Variants in KCNMA1 observed in about 807,000 individuals in gnomAD.
The protein encoded by KCNMA1 is Calcium-activated potassium channel subunit alpha-1.
In KCNMA1, 29 loss-of-function variants were observed where a neutral mutation model predicts 140.0. The ratio of observed to expected loss-of-function variants is 0.21; its 90% CI spans 0.15 to 0.28. The LOEUF is 0.28. KCNMA1 is among the 10% of genes least tolerant of loss of function. The pLI is 1.00. For missense variants in KCNMA1, 880 were observed against 1,602.2 expected (o/e 0.55, Z 7.70); for synonymous variants, 612 against 611.9 (o/e 1.00, Z 0.00).
chr10:77,123,128 C>T (rs2097655962), intron 5 of KCNMA1, among the ~76,000 whole-genome samples: 1 of 125,876 alleles, frequency 7.9e-6, no homozygotes, highest in Non-Finnish European at 1.6e-5. Flanking sequence ...TGCAGTAAGC[C>T]GAGATCGCGC....
At chr10:77,043,950 C>G (rs1291696760) in intron 14 of KCNMA1, among the ~76,000 whole-genome samples, 1 of 152,178 alleles carries the variant, frequency 6.6e-6, no homozygotes, top group African/African-American at 2.4e-5. Flanking sequence ...GAATGTTCCA[C>G]TGAACTACAT....
intron 1 of KCNMA1, among the ~76,000 whole-genome samples, chr10:77,521,591 G>A (rs181315399): frequency 5.3e-5 from 8 of 152,288 alleles, no homozygotes; most frequent in Admixed American, 3.9e-4. Flanking sequence ...TGTAAGGATC[G>A]GACAAGTAAA....
intron 1 of KCNMA1, among the ~76,000 whole-genome samples, chr10:77,423,242 A>G (rs1010756788): frequency 3.3e-5 from 5 of 152,268 alleles, no homozygotes; most frequent in Non-Finnish European, 7.3e-5. Flanking sequence ...AAATAAGATA[A>G]GGAGACTTGG....
At chr10:76,949,468 CT>C in intron 21 of KCNMA1, 102 bp from the exon 22 acceptor site, 3 of 952,804 alleles carry the variant, frequency 3.1e-6, no homozygotes, top group Non-Finnish European at 5.0e-6. Context: ...CAAATATTTG[CT>C]GAGAGCTTAC....
intron 18 of KCNMA1, 52 bp downstream of exon 18, chr10:77,011,915 T>C (rs1424068936): frequency 2.0e-5 from 30 of 1,477,856 alleles, no homozygotes; most frequent in Non-Finnish European, 2.8e-5. Flanking sequence ...GAAAAGGAAT[T>C]TGGGGAATAG....
chr10:77,304,977 A>G (rs1043463435), intron 2 of KCNMA1, among the ~76,000 whole-genome samples: 1 of 152,228 alleles, frequency 6.6e-6, no homozygotes, highest in East Asian at 1.9e-4. Flanking sequence ...CACTATGCCC[A>G]CCAGAGACCT....
chr10:77,067,597 A>C (rs1008141884), intron 14 of KCNMA1, among the ~76,000 whole-genome samples: 1 of 152,176 alleles, frequency 6.6e-6, no homozygotes, highest in African/African-American at 2.4e-5. Flanking sequence ...AGTCATCCCC[A>C]GCCCTTCAGC....
At chr10:77,545,048 A>G (rs1234222097) in intron 1 of KCNMA1, among the ~76,000 whole-genome samples, 2 of 152,160 alleles carry the variant, frequency 1.3e-5, no homozygotes, top group Non-Finnish European at 2.9e-5. Context: ...CTGACCCACG[A>G]TGAAGTCACT....
At chr10:76,933,278 A>G (rs1023902783) in intron 23 of KCNMA1, among the ~76,000 whole-genome samples, 3 of 152,242 alleles carry the variant, frequency 2.0e-5, no homozygotes, top group African/African-American at 7.2e-5. Flanking sequence ...TCATGTATCC[A>G]TCCCCTCCAC....
chr10:76,921,134 T>C (rs2055600432), intron 23 of KCNMA1, among the ~76,000 whole-genome samples: 1 of 152,118 alleles, frequency 6.6e-6, no homozygotes, highest in Non-Finnish European at 1.5e-5. Context: ...AAGGAATTGG[T>C]TCAAATGGTG....
chr10:77,613,976 C>A (rs1053161858), intron 1 of KCNMA1, among the ~76,000 whole-genome samples: 35 of 152,336 alleles, frequency 2.3e-4, no homozygotes, highest in African/African-American at 8.4e-4. Context: ...TTCAGGAGCC[C>A]TGTGACAAGT....
chr10:77,415,488 C>T (rs1192463024), intron 1 of KCNMA1, among the ~76,000 whole-genome samples: 1 of 152,206 alleles, frequency 6.6e-6, no homozygotes, highest in East Asian at 1.9e-4. Context: ...TCAAGACCTG[C>T]CCAGACAAGA....
intron 7 of KCNMA1, 31 bp from the exon 8 acceptor site, chr10:77,110,374 A>G: frequency 6.3e-7 from 1 of 1,588,258 alleles, no homozygotes; most frequent in Non-Finnish European, 8.6e-7. Flanking sequence ...GAGAAAAAAG[A>G]AAAACATGCT....
intron 5 of KCNMA1, among the ~76,000 whole-genome samples, chr10:77,152,880 G>A (rs1057504857): frequency 2.6e-5 from 4 of 152,148 alleles, no homozygotes; most frequent in African/African-American, 4.8e-5. Context: ...TAAATGAAGC[G>A]GCGGATGGAA....
intron 2 of KCNMA1, among the ~76,000 whole-genome samples, chr10:77,275,030 G>C (rs1422778470): frequency 6.6e-6 from 1 of 152,226 alleles, no homozygotes; most frequent in Non-Finnish European, 1.5e-5. Flanking sequence ...CCAGGCAGAT[G>C]TGTGCTTTTA....
At chr10:77,006,398 C>G (rs1037071019) in intron 18 of KCNMA1, among the ~76,000 whole-genome samples, 1 of 152,140 alleles carries the variant, frequency 6.6e-6, no homozygotes, top group Non-Finnish European at 1.5e-5. Flanking sequence ...AAACATGGAG[C>G]TACTCTTCAT....
chr10:77,107,950 T>C (rs1434191264), intron 9 of KCNMA1, among the ~76,000 whole-genome samples: 1 of 152,206 alleles, frequency 6.6e-6, no homozygotes, highest in Non-Finnish European at 1.5e-5. Context: ...GGCATCATAC[T>C]AGTTTGAGGG....
intron 1 of KCNMA1, among the ~76,000 whole-genome samples, chr10:77,450,107 G>A (rs2097605710): frequency 6.6e-6 from 1 of 152,142 alleles, no homozygotes; most frequent in Admixed American, 6.5e-5. Context: ...TTGAGACACA[G>A]TGCAGTGGCA....
chr10:77,305,764 A>T (rs2077548795), intron 2 of KCNMA1, among the ~76,000 whole-genome samples: 1 of 152,198 alleles, frequency 6.6e-6, no homozygotes, highest in South Asian at 2.1e-4. Context: ...TAAGACCTAG[A>T]ACCACGTGTC....
Sources: gnomAD v4.1 joint callset for allele counts (sites outside exome capture counted in the v4.1 genomes callset) on GRCh38, gnomAD v4.1.1 for gene constraint, MANE v1.5 for transcripts, NCBI Gene and HGNC (gene_info 2026-07-23, HGNC 2026-07-21) for gene names.